The following TSHR variants were observed in gnomAD, a reference collection of about 807,000 sequenced individuals.
The protein encoded by TSHR is thyrotropin receptor.
A neutral mutation model predicts 64.1 loss-of-function variants in TSHR; 51 were observed. That is an observed-to-expected ratio of 0.80 (90% CI 0.64 to 1.01). TSHR has a LOEUF of 1.01. Among genes scored for constraint, TSHR ranks in the 50% least tolerant of loss-of-function variants. TSHR has a pLI of 0.00. For missense variants in TSHR, 877 were observed against 942.8 expected, an observed-to-expected ratio of 0.93 and a Z score of 0.91; for synonymous variants, 361 against 361.9, an observed-to-expected ratio of 1.00 and a Z score of 0.03.
intron 1 of TSHR, among the ~76,000 whole-genome samples, chr14:81,024,919 TGA>T (rs1336906796): frequency 6.6e-6 from 1 of 152,182 alleles, no homozygotes; most frequent in Non-Finnish European, 1.5e-5. Context: ...GTGAGAACAG[TGA>T]GAGGTCACTT....
At position 81,002,994 on chromosome 14, in the gene TSHR, C is replaced by A. The variant is rs1490838268; in HGVS notation, c.170+47144C>A. Among the ~76,000 whole-genome samples, 112 of 48,030 alleles carry A rather than the reference C, an allele frequency of 2.3e-3. 1 individual carries two copies. Among genetic ancestry groups the A allele is most frequent in the African/African-American group, 7.1e-3 (99 of 14,008 alleles). 31.5% of individuals were successfully genotyped at this position (48,030 alleles called of 152,430 possible). A position where few individuals can be genotyped will look rare whatever the true frequency, so the allele number is the denominator to read the frequency against. On this transcript the variant is annotated intron_variant, in intron 1 of 9. Coordinates refer to ENST00000298171, the MANE Select transcript of TSHR (RefSeq NM_000369.5). ...TCCCTCCCCCCTCCCCCGACCCCAC[C>A]ACAGTCCCCAGAGTGTGATATTCCC...
intron 1 of TSHR, among the ~76,000 whole-genome samples, chr14:81,007,961 G>T (rs1266955479): frequency 1.3e-5 from 2 of 152,066 alleles, no homozygotes; most frequent in Non-Finnish European, 2.9e-5. Context: ...TTGCAAGTTG[G>T]CACCATATTA....
intron 8 of TSHR, chr14:81,108,785 G>T (rs1175289623): frequency 3.8e-6 from 6 of 1,591,320 alleles, no homozygotes; most frequent in Admixed American, 1.7e-5. Context: ...CAACTAGATG[G>T]AAGGCACTCT....
At chr14:81,008,928 A>G (rs928808658) in intron 1 of TSHR, among the ~76,000 whole-genome samples, 1 of 152,210 alleles carries the variant, frequency 6.6e-6, no homozygotes, top group African/African-American at 2.4e-5. Context: ...TTTACCCATA[A>G]ACAGTCTTCA....
Position 80,973,403 on chromosome 14 carries a change from C to CAAAAAAAAAAAAAAAAAAAAAAAAAAAAA in TSHR, c.170+17579_170+17580insAAAAAAAAAAAAAAAAAAAAAAAAAAAAA, listed in dbSNP as rs58316010. ...CCCGGGTGACAGCGAGACGCTGTCT[C>CAAAAAAAAAAAAAAAAAAAAAAAAAAAAA]AAAAAAAAAAAAAAAAAAAAAAAAA... On this transcript the variant is annotated intron_variant, in intron 1 of 9. Coordinates refer to ENST00000298171, the MANE Select transcript of TSHR (RefSeq NM_000369.5). Among the ~76,000 whole-genome samples, 66 of 51,448 alleles carry CAAAAAAAAAAAAAAAAAAAAAAAAAAAAA rather than the reference C, an allele frequency of 1.3e-3. 16 individuals carry two copies. The highest frequency in any genetic ancestry group is 0.015 in the Middle Eastern group (1 of 66). The allele number at this position is 51,448 out of a possible 152,430, so 33.8% of individuals were successfully genotyped here. A position where few individuals can be genotyped will look rare whatever the true frequency, so the allele number is the denominator to read the frequency against.
At chr14:81,109,167 T>C (rs1890109565) in intron 8 of TSHR, among the ~76,000 whole-genome samples, 1 of 152,178 alleles carries the variant, frequency 6.6e-6, no homozygotes, top group African/African-American at 2.4e-5. Context: ...CCCAGCACTT[T>C]GGGAGGCCGA....
At chr14:81,108,306 A>G (rs1316790262) in intron 7 of TSHR, 69 bp from the exon 8 acceptor site, 12 of 1,216,312 alleles carry the variant, frequency 9.9e-6, no homozygotes, top group Non-Finnish European at 1.5e-5. Context: ...TGATATTTGT[A>G]CTAATTTGAT....
intron 6 of TSHR, among the ~76,000 whole-genome samples, chr14:81,092,887 T>C (rs924476841): frequency 5.9e-5 from 9 of 152,188 alleles, no homozygotes; most frequent in Non-Finnish European, 1.2e-4. Flanking sequence ...GCAACCTCTG[T>C]AGGAACTGGT....
intron 1 of TSHR, among the ~76,000 whole-genome samples, chr14:81,014,661 C>A (rs1220072161): frequency 2.0e-5 from 3 of 152,142 alleles, no homozygotes; most frequent in Admixed American, 1.3e-4. Context: ...GAATGGCAAC[C>A]AAACCAAGGC....
chr14:81,112,157 CT>C (rs1319235030), intron 8 of TSHR, among the ~76,000 whole-genome samples: 2 of 152,294 alleles, frequency 1.3e-5, no homozygotes, highest in East Asian at 3.9e-4. Context: ...AGCCCCATCA[CT>C]TACTAACTGT....
chr14:81,063,513 G>C (rs1252235580), intron 2 of TSHR, among the ~76,000 whole-genome samples: 1 of 152,058 alleles, frequency 6.6e-6, no homozygotes, highest in East Asian at 1.9e-4. Context: ...TCTTTTAACA[G>C]CACCACTGTA....
intron 1 of TSHR, among the ~76,000 whole-genome samples, chr14:80,956,777 G>A (rs976169911): frequency 6.6e-6 from 1 of 152,150 alleles, no homozygotes; most frequent in African/African-American, 2.4e-5. Context: ...AGCTCATGAA[G>A]ACTATTTAAC....
At chr14:81,028,427 A>C (rs929166037) in intron 1 of TSHR, among the ~76,000 whole-genome samples, 12 of 152,226 alleles carry the variant, frequency 7.9e-5, no homozygotes, top group Admixed American at 6.5e-4. Flanking sequence ...GTTTGGCAGC[A>C]CTATAGGGCT....
chr14:81,141,072 G>A (rs1489517514), intron 9 of TSHR, among the ~76,000 whole-genome samples: 1 of 152,258 alleles, frequency 6.6e-6, no homozygotes, highest in Non-Finnish European at 1.5e-5. Context: ...GTTGCAGTGA[G>A]CCGAGATCGT....
intron 1 of TSHR, among the ~76,000 whole-genome samples, chr14:81,009,760 A>G (rs747385479): frequency 2.0e-5 from 3 of 151,920 alleles, no homozygotes; most frequent in African/African-American, 7.3e-5. Context: ...ATAAATCACA[A>G]TTTGTTTATC....
chr14:81,026,323 A>T (rs1385955667), intron 1 of TSHR, among the ~76,000 whole-genome samples: 1 of 152,186 alleles, frequency 6.6e-6, no homozygotes, highest in African/African-American at 2.4e-5. Context: ...CAGCTAAACC[A>T]CACAATCGAC....
chr14:81,008,893 G>A (rs1889749375), intron 1 of TSHR, among the ~76,000 whole-genome samples: 1 of 152,080 alleles, frequency 6.6e-6, no homozygotes, highest in Non-Finnish European at 1.5e-5. Flanking sequence ...ATATAGCAAT[G>A]TACCCATACA....
At chr14:81,089,639 C>T (rs1162147569) in intron 4 of TSHR, among the ~76,000 whole-genome samples, 1 of 152,084 alleles carries the variant, frequency 6.6e-6, no homozygotes, top group Non-Finnish European at 1.5e-5. Flanking sequence ...GAGAAGACAT[C>T]AGAAAGAAGA....
chr14:81,113,940 A>G (rs569228695), intron 8 of TSHR, among the ~76,000 whole-genome samples: 1 of 152,184 alleles, frequency 6.6e-6, no homozygotes, highest in Non-Finnish European at 1.5e-5. Flanking sequence ...CCAAGACTCA[A>G]GGAGAATAAG....
Sources: allele counts gnomAD v4.1 joint callset (sites outside exome capture counted in the v4.1 genomes callset), GRCh38; gene constraint gnomAD v4.1.1; transcripts MANE v1.5; gene names NCBI Gene and HGNC (gene_info 2026-07-23, HGNC 2026-07-21).